The following PPP1R9A variants were observed in gnomAD, a reference collection of about 807,000 sequenced individuals.
PPP1R9A encodes protein phosphatase 1 regulatory subunit 9A, also known as neurabin-1.
In PPP1R9A, 59 loss-of-function variants were observed where a neutral mutation model predicts 141.9. That is an observed-to-expected ratio of 0.42 (90% CI 0.34 to 0.52). PPP1R9A has a LOEUF of 0.52. Among genes scored for constraint, PPP1R9A ranks in the 20% least tolerant of loss-of-function variants. The pLI, the probability that PPP1R9A is intolerant of heterozygous loss-of-function variation, is 0.10. For synonymous variants in PPP1R9A, 500 were observed against 569.7 expected (o/e 0.88, Z 1.74); for missense variants, 1,444 against 1,611.9 (o/e 0.90, Z 1.78).
chr7:95,251,906 A>G (rs764306683), intron 11 of PPP1R9A, 48 bp downstream of exon 11: 12 of 1,609,970 alleles, frequency 7.5e-6, no homozygotes, highest in Middle Eastern at 3.3e-4. Flanking sequence ...GTTTTGCTGT[A>G]CTTGGAGGGG....
intron 12 of PPP1R9A, among the ~76,000 whole-genome samples, chr7:95,260,299 T>C (rs954398699): frequency 1.3e-5 from 2 of 152,236 alleles, no homozygotes; most frequent in African/African-American, 4.8e-5. Flanking sequence ...TTGACAGCTC[T>C]GCTTCATTCA....
At chr7:95,268,431 G>T in intron 12 of PPP1R9A, 119 bp from the exon 13 acceptor site, 1 of 1,079,124 alleles carries the variant, frequency 9.3e-7, no homozygotes, top group Non-Finnish European at 1.3e-6. Context: ...GGCTGTCATG[G>T]TGGTCACCTG....
Position 95,226,037 on chromosome 7 carries a change from T to G in PPP1R9A, c.2033T>G (p.Val678Gly). The G allele has an allele frequency of 1.2e-6, 2 of 1,613,614 alleles. No homozygotes were observed. The highest frequency in any genetic ancestry group is 1.7e-6 in the Non-Finnish European group (2 of 1,179,696). Residue 678 changes from valine (V) to glycine (G), a missense_variant, in exon 8 of 20, where the codon GTC becomes GGC. Physicochemically the swap from Val to Gly is moderately radical, Grantham distance 109. Coordinates refer to ENST00000433360, the MANE Select transcript of PPP1R9A (RefSeq NM_001166160.2). ...CCTGGCAGCGACATGGCCATTGAAG[T>G]CTTTGAGCTGCCTGAGAATGAGGAC... ...VLPGSDMAIE[V>G]FELPENEDMF...
chr7:95,236,990 A>G (rs895617536), intron 8 of PPP1R9A, among the ~76,000 whole-genome samples: 2 of 151,634 alleles, frequency 1.3e-5, no homozygotes, highest in African/African-American at 4.8e-5. Context: ...ATGGGTTGCA[A>G]CTTTATTGCA....
At chr7:95,025,041 A>T (rs1806607933) in intron 2 of PPP1R9A, among the ~76,000 whole-genome samples, 1 of 151,796 alleles carries the variant, frequency 6.6e-6, no homozygotes, top group Admixed American at 6.6e-5. Flanking sequence ...TATGAAGCTT[A>T]GTTTGGCTGG....
At position 94,925,003 on chromosome 7, in the gene PPP1R9A, A is replaced by G. The variant is rs367627014; in HGVS notation, c.1395+13495A>G. Among the ~76,000 whole-genome samples the G allele has an allele frequency of 2.0e-5, 3 of 152,284 alleles. No homozygotes were observed. In the East Asian group the frequency reaches 5.8e-4, roughly 29 times the overall value. On this transcript the variant is annotated intron_variant, in intron 2 of 19. Transcript: ENST00000433360. ...AAGGTATCCTTTTTCCATATCCTAT[A>G]TTTAACTTAGCTGGCATATTAGAGT...
At chr7:95,221,322 C>T (rs1033409508) in intron 7 of PPP1R9A, among the ~76,000 whole-genome samples, 7 of 152,058 alleles carry the variant, frequency 4.6e-5, no homozygotes, top group East Asian at 1.9e-4. Flanking sequence ...TAGATATAGA[C>T]GCTAATTCCC....
At chr7:95,002,625 T>C (rs1334655960) in intron 2 of PPP1R9A, among the ~76,000 whole-genome samples, 1 of 152,008 alleles carries the variant, frequency 6.6e-6, no homozygotes, top group Non-Finnish European at 1.5e-5. Flanking sequence ...TGGCCTAAAA[T>C]TGGAAGTAGA....
At chr7:94,966,733 A>G (rs1049735024) in intron 2 of PPP1R9A, among the ~76,000 whole-genome samples, 2 of 151,740 alleles carry the variant, frequency 1.3e-5, no homozygotes, top group Non-Finnish European at 2.9e-5. Context: ...TTTATTGAGG[A>G]TTTTCGTATT....
At chr7:95,095,390 A>G (rs1402999917) in intron 2 of PPP1R9A, among the ~76,000 whole-genome samples, 1 of 152,246 alleles carries the variant, frequency 6.6e-6, no homozygotes, top group African/African-American at 2.4e-5. Flanking sequence ...AGATTTGACC[A>G]TTAATCCTAT....
intron 16 of PPP1R9A, among the ~76,000 whole-genome samples, chr7:95,281,292 A>G (rs545324694): frequency 6.6e-6 from 1 of 152,172 alleles, no homozygotes; most frequent in African/African-American, 2.4e-5. Flanking sequence ...ATATCCCTGA[A>G]TCTGGTGATT....
intron 2 of PPP1R9A, among the ~76,000 whole-genome samples, chr7:95,108,307 CTTTTT>C (rs1166103728): frequency 5.9e-4 from 35 of 59,586 alleles, no homozygotes; most frequent in Admixed American, 6.6e-4. Flanking sequence ...CGTTTCTTTT[CTTTTT>C]TTTTTTTTTT....
chr7:95,040,098 G>T (rs925286603), intron 2 of PPP1R9A, among the ~76,000 whole-genome samples: 4 of 152,028 alleles, frequency 2.6e-5, no homozygotes, highest in Non-Finnish European at 5.9e-5. Context: ...TTGAAGCAAG[G>T]TTGCATATAT....
At chr7:95,165,962 A>C (rs922651365) in intron 5 of PPP1R9A, among the ~76,000 whole-genome samples, 5 of 152,168 alleles carry the variant, frequency 3.3e-5, no homozygotes, top group African/African-American at 1.2e-4. Flanking sequence ...AGCCTGGCCA[A>C]CATAGTAAAA....
intron 13 of PPP1R9A, 139 bp from the exon 14 acceptor site, chr7:95,269,068 T>C (rs1801743075): frequency 2.6e-6 from 2 of 758,420 alleles, no homozygotes; most frequent in South Asian, 2.0e-5. Context: ...GTATGAACCA[T>C]GCATTCTCAT....
intron 3 of PPP1R9A, among the ~76,000 whole-genome samples, chr7:95,117,194 G>A (rs377398475): frequency 2.8e-4 from 43 of 152,032 alleles, no homozygotes; most frequent in African/African-American, 9.4e-4. Flanking sequence ...TGTCTTTGCC[G>A]TCATTTTATG....
rs199758492 is a variant in PPP1R9A, at chr7:94,921,663, AG to A, written c.1395+10157del. Among the ~76,000 whole-genome samples, 882 of 152,262 alleles carry A rather than the reference AG, an allele frequency of 5.8e-3. 8 individuals are homozygous for A. Among genetic ancestry groups the A allele is most frequent in the African/African-American group, 0.02 (836 of 41,562 alleles). ...CAGGGGGAAAGGCAAAACTTATTGT[AG>A]GATGTTTGAATGACACCTTATCTAC... On this transcript the variant is annotated intron_variant, in intron 2 of 19. Coordinates refer to ENST00000433360, the MANE Select transcript of PPP1R9A (RefSeq NM_001166160.2).
rs17166588 is a variant in PPP1R9A at position 95,030,783 on chromosome 7, C to T, written c.1396-80476C>T. Among the ~76,000 whole-genome samples the T allele has an allele frequency of 3.9e-3, 593 of 152,308 alleles. 23 individuals carry two copies. The highest frequency in any genetic ancestry group is 0.036 in the East Asian group (186 of 5,184). On this transcript the variant is annotated intron_variant, in intron 2 of 19. Transcript: ENST00000433360. ...CAGATCCACTAAATCTCTTACTCTT[C>T]CTTTAGAAGGCATAAAGTATATTTC...
At position 95,295,111 on chromosome 7, in the gene PPP1R9A, C is replaced by T. The variant is rs866427620; in HGVS notation, c.*4808C>T. 6.6e-6 allele frequency: 1 copy of T among 152,578 alleles called. No homozygotes were observed. Among genetic ancestry groups the T allele is most frequent in the East Asian group, 1.9e-4 (1 of 5,190 alleles). The allele number at this position is 152,578 out of a possible 1,614,324, so 9.5% of individuals were successfully genotyped here. ...TACATATGTGTGAATATCACTCCCA[C>T]CTTACACACGCACACACACTGCAAT... is the stretch of plus-strand genomic sequence containing the variant. On this transcript the variant is annotated 3_prime_UTR_variant, in exon 20 of 20. Coordinates refer to ENST00000433360, the MANE Select transcript of PPP1R9A (RefSeq NM_001166160.2).
Sources: gnomAD v4.1 joint callset for allele counts (sites outside exome capture counted in the v4.1 genomes callset) on GRCh38, gnomAD v4.1.1 for gene constraint, MANE v1.5 for transcripts, NCBI Gene and HGNC (gene_info 2026-07-23, HGNC 2026-07-21) for gene names.